Variants in COL4A2 observed in about 807,000 individuals in gnomAD.
The protein encoded by COL4A2 is collagen type IV alpha 2 chain.
Under a neutral mutation model 200.2 loss-of-function variants are expected in COL4A2, and 99 were observed. The observed-to-expected ratio is 0.49, with a 90% CI of 0.42 to 0.58. The LOEUF (loss-of-function observed/expected upper bound fraction) is 0.58, where lower values mean the gene tolerates loss of function less well. Ranked by LOEUF, COL4A2 falls within the 20% of genes least tolerant of loss-of-function variation. The probability of loss-of-function intolerance (pLI) is 0.00; values close to 1 mark genes in which losing one functional copy is unlikely to be tolerated. For synonymous variants in COL4A2, 897 were observed against 900.6 expected (o/e 1.00, Z 0.07); for missense variants, 1,950 against 2,314.1 (o/e 0.84, Z 3.23).
intron 29 of COL4A2, among the ~76,000 whole-genome samples, chr13:110,474,404 G>C (rs1882597297): frequency 6.6e-6 from 1 of 152,172 alleles, no homozygotes; most frequent in Admixed American, 6.5e-5. Context: ...TTCCTAGCAA[G>C]GCCTGGAAGG....
At chr13:110,348,641 CAAAG>C (rs1332686649) in intron 3 of COL4A2, among the ~76,000 whole-genome samples, 1 of 132,172 alleles carries the variant, frequency 7.6e-6, no homozygotes, top group Non-Finnish European at 1.6e-5. Flanking sequence ...GTGTCAAAGA[CAAAG>C]AATTGTATAG....
chr13:110,326,136 T>C (rs1885404180), intron 3 of COL4A2, among the ~76,000 whole-genome samples: 1 of 152,182 alleles, frequency 6.6e-6, no homozygotes, highest in Non-Finnish European at 1.5e-5. Flanking sequence ...CACCTGCCCT[T>C]CGCCCAGGGG....
At chr13:110,361,645 C>T (rs911301812) in intron 4 of COL4A2, among the ~76,000 whole-genome samples, 2 of 152,198 alleles carry the variant, frequency 1.3e-5, no homozygotes, top group African/African-American at 4.8e-5. Flanking sequence ...TCTCATGTGA[C>T]CAGTGAATGA....
At chr13:110,311,361 A>T (rs950141124) in intron 3 of COL4A2, among the ~76,000 whole-genome samples, 3 of 152,208 alleles carry the variant, frequency 2.0e-5, no homozygotes, top group African/African-American at 4.8e-5. Context: ...CAAGATGCAC[A>T]AAATGGCTTC....
At chr13:110,471,705 G>A (rs1882474125) in intron 28 of COL4A2, among the ~76,000 whole-genome samples, 1 of 152,192 alleles carries the variant, frequency 6.6e-6, no homozygotes, top group Admixed American at 6.5e-5. Context: ...CAGCTCCCAG[G>A]CAGTGATGGC....
Position 110,508,243 on chromosome 13 carries a change from C to T in COL4A2, c.4881+22C>T. On this transcript the variant is annotated intron_variant, in intron 47 of 47. Transcript: ENST00000360467. This position sits in a 1 kb window ranked among gnomAD's most constrained non-coding sequence, Gnocchi z 6.1. The stretch of plus-strand genomic sequence containing the variant: ...CATGGTATGTGGTATTTGCCCAGTT[C>T]CCCTCCCCAACCACACCCTGCTGGG... 1 of 1,608,628 alleles carries T rather than the reference C, an allele frequency of 6.2e-7. No homozygotes were observed. Among genetic ancestry groups the T allele is most frequent in the Non-Finnish European group, 8.5e-7 (1 of 1,175,802 alleles).
intron 4 of COL4A2, among the ~76,000 whole-genome samples, chr13:110,386,635 A>G (rs745935220): frequency 1.3e-5 from 2 of 152,236 alleles, no homozygotes; most frequent in South Asian, 4.1e-4. Flanking sequence ...ATACATTGAT[A>G]TGTAATATAT....
chr13:110,416,116 G>T (rs757424122), intron 4 of COL4A2, among the ~76,000 whole-genome samples: 44 of 152,244 alleles, frequency 2.9e-4, no homozygotes, highest in Non-Finnish European at 5.0e-4. Flanking sequence ...CTCTAACCGT[G>T]TAAGTGGAGG....
In COL4A2 at chr13:110,385,850, GGCCGTGGTTGC is replaced by G. The variant is rs1275358871; in HGVS notation, c.180+28299_180+28309del. On this transcript the variant is annotated intron_variant, in intron 4 of 47. Transcript: ENST00000360467. ...AGGCCGTGGTTACAGTGTGTGGATA[GGCCGTGGTTGC>G]AGCGTGTGGATGGGCCGTGGTTACA... Among the ~76,000 whole-genome samples the G allele has an allele frequency of 1.1e-4, 16 of 139,802 alleles. 7 individuals carry two copies. The highest frequency in any genetic ancestry group is 2.4e-4 in the Non-Finnish European group (15 of 62,338). The allele number at this position is 139,802 out of a possible 152,430, so 91.7% of individuals were successfully genotyped here.
rs74124316 is a variant in COL4A2, at chr13:110,428,866, C to T, written c.477+283C>T. 2.2e-3 allele frequency among the ~76,000 whole-genome samples: 341 copies of T among 152,280 alleles called. 1 individual carries two copies. The highest frequency in any genetic ancestry group is 7.8e-3 in the African/African-American group (322 of 41,542). On this transcript the variant is annotated intron_variant, in intron 7 of 47. Transcript: ENST00000360467. ...TCATGCGTAATAGTGGAATCGTAAACGCAAATTAAAAAGCTGAAACCTTGA... is the reference window on the plus strand; with the variant it reads ...TCATGCGTAATAGTGGAATCGTAAATGCAAATTAAAAAGCTGAAACCTTGA...
At chr13:110,441,368 C>T (rs941731922) in intron 16 of COL4A2, among the ~76,000 whole-genome samples, 1 of 152,208 alleles carries the variant, frequency 6.6e-6, no homozygotes, top group Non-Finnish European at 1.5e-5. Flanking sequence ...GCCGTCTTGA[C>T]CCAGCATTCT....
chr13:110,490,555 G>T (rs1435052113), intron 36 of COL4A2, among the ~76,000 whole-genome samples: 1 of 152,184 alleles, frequency 6.6e-6, no homozygotes. Context: ...CCGCCGCTGG[G>T]AAATAGGCGC....
At chr13:110,499,469 A>G (rs116835825) in intron 40 of COL4A2, among the ~76,000 whole-genome samples, 2,456 of 152,292 alleles carry the variant, frequency 0.016, 64 homozygotes, top group African/African-American at 0.053. Context: ...CCGTGATTCA[A>G]TTACTTCCCA....
Position 110,484,894 on chromosome 13 carries a change from T to C in COL4A2, c.2903-11T>C, listed in dbSNP as rs756851030. The C allele has an allele frequency of 4.4e-6, 7 of 1,602,980 alleles. No individual in the cohort carries two copies. The highest frequency in any genetic ancestry group is 2.6e-6 in the Non-Finnish European group (3 of 1,173,870). Reference sequence around the variant, plus strand: ...GCCCCCAGAAAATGACAGCACTCTATTCCCTTCCAGGCAGCCGAGGGGACC... The same window carrying C: ...GCCCCCAGAAAATGACAGCACTCTACTCCCTTCCAGGCAGCCGAGGGGACC... On this transcript the variant is annotated splice_polypyrimidine_tract_variant and intron_variant, in intron 32 of 47. Coordinates refer to ENST00000360467, the MANE Select transcript of COL4A2 (RefSeq NM_001846.4).
At chr13:110,425,824 G>A (rs1437450781) in intron 6 of COL4A2, among the ~76,000 whole-genome samples, 1 of 152,228 alleles carries the variant, frequency 6.6e-6, no homozygotes, top group Non-Finnish European at 1.5e-5. Flanking sequence ...CAGAAGAGAA[G>A]GAGGGAATGA....
At chr13:110,500,166 C>T (rs184819988) in intron 40 of COL4A2, among the ~76,000 whole-genome samples, 2 of 152,340 alleles carry the variant, frequency 1.3e-5, no homozygotes, top group Non-Finnish European at 1.5e-5. Context: ...TCTCTTCCTG[C>T]TGCTGATGCG....
At chr13:110,507,838 C>A in intron 46 of COL4A2, 97 bp from the exon 47 acceptor site, 2 of 1,304,686 alleles carry the variant, frequency 1.5e-6, no homozygotes, top group Non-Finnish European at 2.2e-6. Flanking sequence ...TGCCCTGGGG[C>A]GAGTCCGTGA....
At chr13:110,483,790 G>A (rs1220270932) in intron 32 of COL4A2, among the ~76,000 whole-genome samples, 1 of 149,452 alleles carries the variant, frequency 6.7e-6, no homozygotes, top group East Asian at 1.9e-4. Flanking sequence ...GGCTGCCAGC[G>A]GCTCCAGGGT....
intron 4 of COL4A2, among the ~76,000 whole-genome samples, chr13:110,385,038 G>A (rs959823423): frequency 2.0e-5 from 3 of 152,132 alleles, no homozygotes; most frequent in Non-Finnish European, 2.9e-5. Flanking sequence ...GCTGAGGCAG[G>A]CGGATCACGA....
Sources: gnomAD v4.1 joint callset for allele counts (sites outside exome capture counted in the v4.1 genomes callset) on GRCh38, gnomAD v4.1.1 for gene constraint, Gnocchi (gnomAD v3.1) non-coding constraint, MANE v1.5 for transcripts, NCBI Gene and HGNC (gene_info 2026-07-23, HGNC 2026-07-21) for gene names.